Variants in NSD1 observed in about 807,000 individuals in gnomAD.
The protein encoded by NSD1 is histone-lysine N-methyltransferase, H3 lysine-36 specific.
A neutral mutation model predicts 242.7 loss-of-function variants in NSD1; 26 were observed. The ratio of observed to expected loss-of-function variants is 0.11; its 90% CI spans 0.08 to 0.15. The LOEUF is 0.15. Ranked by LOEUF, NSD1 falls within the 10% of genes least tolerant of loss-of-function variation. NSD1 has a pLI of 1.00. For missense variants in NSD1, 2,495 were observed against 3,272.8 expected, an observed-to-expected ratio of 0.76 and a Z score of 5.80; for synonymous variants, 1,106 against 1,178.1, an observed-to-expected ratio of 0.94 and a Z score of 1.25.
chr5:177,240,360 G>A (rs987137301), intron 8 of NSD1, among the ~76,000 whole-genome samples: 1 of 151,942 alleles, frequency 6.6e-6, no homozygotes, highest in Non-Finnish European at 1.5e-5. Flanking sequence ...TTTTGGTAGA[G>A]ACTGGGTATC....
At chr5:177,183,893 G>A (rs1057100955) in intron 2 of NSD1, among the ~76,000 whole-genome samples, 1 of 152,082 alleles carries the variant, frequency 6.6e-6, no homozygotes, top group African/African-American at 2.4e-5. Flanking sequence ...CATGAAGTTG[G>A]TCTTTCTGTG....
chr5:177,150,963 TTA>T (rs1161047397), intron 2 of NSD1, among the ~76,000 whole-genome samples: 14 of 152,250 alleles, frequency 9.2e-5, no homozygotes, highest in African/African-American at 3.4e-4. Context: ...AATTGGTAAT[TTA>T]TAGTTGTATA....
intron 2 of NSD1, among the ~76,000 whole-genome samples, chr5:177,145,416 C>T (rs1306543300): frequency 6.6e-6 from 1 of 151,846 alleles, no homozygotes; most frequent in Non-Finnish European, 1.5e-5. Context: ...GTAGTTGGGA[C>T]TACAGGCCCA....
Position 177,147,079 on chromosome 5 carries a change from C to T in NSD1, c.927+11049C>T, listed in dbSNP as rs527953770. Reference sequence around the variant, plus strand: ...CCTGCTGTTGCCAGCCGTTTTAAAACTACATCCATCGTCTTCTTGGCAACC... The same window carrying T: ...CCTGCTGTTGCCAGCCGTTTTAAAATTACATCCATCGTCTTCTTGGCAACC... On this transcript the variant is annotated intron_variant, in intron 2 of 22. Coordinates refer to ENST00000439151, the MANE Select transcript of NSD1 (RefSeq NM_022455.5). Among the ~76,000 whole-genome samples, 5 of 151,782 alleles carry T rather than the reference C, an allele frequency of 3.3e-5. No individual in the cohort carries two copies. The South Asian group carries it at 1.0e-3, about 32-fold the overall frequency.
intron 18 of NSD1, among the ~76,000 whole-genome samples, chr5:177,281,246 C>T (rs1192281896): frequency 1.3e-5 from 2 of 151,856 alleles, no homozygotes; most frequent in East Asian, 3.9e-4. Context: ...GAAGGTTAAG[C>T]CTTATTGGAT....
chr5:177,162,322 A>C (rs1758825873), intron 2 of NSD1, among the ~76,000 whole-genome samples: 1 of 152,040 alleles, frequency 6.6e-6, no homozygotes, highest in Non-Finnish European at 1.5e-5. Context: ...ATCTAGTTGA[A>C]AAATGTCATC....
chr5:177,280,572 G>A lies in NSD1; in HGVS notation c.5630G>A (p.Arg1877His), dbSNP rs1554204064. The A allele has an allele frequency of 6.2e-7, 1 of 1,614,172 alleles. No individual in the cohort carries two copies. Among genetic ancestry groups the A allele is most frequent in the Non-Finnish European group, 8.5e-7 (1 of 1,180,030 alleles). Residue 1877 changes from arginine (R) to histidine (H), a missense_variant, in exon 18 of 23, where the codon CGT becomes CAT. Transcript: ENST00000439151. Reference sequence around the variant, plus strand: ...TTTGTGTTACTTTTCCAGGTAAACCGTCCTATTGGCAGGGTACAGATCTTC... The same window carrying A: ...TTTGTGTTACTTTTCCAGGTAAACCATCCTATTGGCAGGGTACAGATCTTC... ...PPPYKHIKVNRPIGRVQIFTA... is the reference protein window; with the variant it reads ...PPPYKHIKVNHPIGRVQIFTA...
At chr5:177,216,912 T>A (rs1402895322) in intron 5 of NSD1, among the ~76,000 whole-genome samples, 1 of 151,926 alleles carries the variant, frequency 6.6e-6, no homozygotes, top group African/African-American at 2.4e-5. Context: ...CATAGCCTCA[T>A]GATATGTTTT....
rs1562099607 is a variant in NSD1, at chr5:177,136,006, A to G, written c.903A>G (p.Ser301=). ...TAGAATTACCTGGAACTTCATCATC[A>G]TCTACTTCACAGGAATTGCCATTTG... is the stretch of plus-strand genomic sequence containing the variant. The part of the protein sequence containing the change: ...NMLELPGTSS[S]STSQELPFCQ... The change falls in exon 2 of 23, where the codon TCA becomes TCG. Residue 301 remains serine, a synonymous_variant. Coordinates refer to ENST00000439151, the MANE Select transcript of NSD1 (RefSeq NM_022455.5). 6.8e-6 allele frequency: 11 copies of G among 1,614,164 alleles called. No individual in the cohort carries two copies. Among genetic ancestry groups the G allele is most frequent in the Non-Finnish European group, 9.3e-6 (11 of 1,180,046 alleles).
intron 5 of NSD1, among the ~76,000 whole-genome samples, chr5:177,214,947 C>T (rs182523342): frequency 7.2e-5 from 11 of 152,242 alleles, no homozygotes; most frequent in South Asian, 2.1e-4. Context: ...GTGATCCACC[C>T]GCCTTGGCCT....
At chr5:177,191,768 A>T in intron 2 of NSD1, 116 bp from the exon 3 acceptor site, 2 of 1,005,956 alleles carry the variant, frequency 2.0e-6, no homozygotes, top group Middle Eastern at 4.2e-4. Flanking sequence ...TTTAGGCTAG[A>T]GTGTTTTCAT....
chr5:177,220,313 GT>G (rs1294027091), intron 5 of NSD1, among the ~76,000 whole-genome samples: 2 of 152,068 alleles, frequency 1.3e-5, no homozygotes, highest in African/African-American at 2.4e-5. Flanking sequence ...TTGTGACAGT[GT>G]TTTACCTAAA....
chr5:177,265,067 A>T, intron 14 of NSD1: 1 of 756,436 alleles, frequency 1.3e-6, no homozygotes, highest in East Asian at 2.4e-5. Context: ...CTAAGAGCCA[A>T]GATAGCTTCC....
intron 12 of NSD1, among the ~76,000 whole-genome samples, chr5:177,253,771 T>C (rs1756197009): frequency 6.6e-6 from 1 of 152,170 alleles, no homozygotes; most frequent in African/African-American, 2.4e-5. Context: ...TAGCTGGGAC[T>C]ACAGGTGCTT....
upstream of NSD1, among the ~76,000 whole-genome samples, chr5:177,132,191 G>C (rs926184570): frequency 6.6e-6 from 1 of 152,016 alleles, no homozygotes; most frequent in African/African-American, 2.4e-5. The surrounding 1 kb of genome is among the most constrained non-coding windows in gnomAD (Gnocchi z 7.5). Context: ...CCCGTGTCCC[G>C]GCGCAGCTCC....
rs1562205567 is a variant in NSD1, at chr5:177,209,977, G to A, written c.1578G>A (p.Arg526=). Residue 526 remains arginine, a synonymous_variant, in exon 5 of 23, where the codon AGG becomes AGA. Coordinates refer to ENST00000439151, the MANE Select transcript of NSD1 (RefSeq NM_022455.5). The stretch of plus-strand genomic sequence containing the variant: ...TTGAAGCACATAAAGATGAACGGAG[G>A]GGAAAGATTCCAGAGAACCTTGGCC... ...IQFEAHKDER[R]GKIPENLGLN... is the part of the protein sequence containing the mutation. The A allele has an allele frequency of 6.2e-7, 1 of 1,614,052 alleles. No homozygotes were observed. Among genetic ancestry groups the A allele is most frequent in the South Asian group, 1.1e-5 (1 of 91,080 alleles).
At chr5:177,140,553 A>G (rs989972586) in intron 2 of NSD1, among the ~76,000 whole-genome samples, 2 of 152,112 alleles carry the variant, frequency 1.3e-5, no homozygotes, top group African/African-American at 2.4e-5. Flanking sequence ...GCCCAGTGGC[A>G]TGTACCTGTA....
At chr5:177,261,107 A>G (rs1213688865) in intron 14 of NSD1, among the ~76,000 whole-genome samples, 2 of 152,116 alleles carry the variant, frequency 1.3e-5, no homozygotes, top group African/African-American at 2.4e-5. Context: ...GTGAAGTGGT[A>G]CAATCTCGGC....
At chr5:177,137,709 A>T (rs1046985022) in intron 2 of NSD1, among the ~76,000 whole-genome samples, 1 of 152,118 alleles carries the variant, frequency 6.6e-6, no homozygotes, top group African/African-American at 2.4e-5. Flanking sequence ...ATGGAGATAG[A>T]TGTTTCTCTA....
Sources: gnomAD v4.1 joint callset for allele counts (sites outside exome capture counted in the v4.1 genomes callset) on GRCh38, gnomAD v4.1.1 for gene constraint, Gnocchi (gnomAD v3.1) non-coding constraint, MANE v1.5 for transcripts, NCBI Gene and HGNC (gene_info 2026-07-23, HGNC 2026-07-21) for gene names.